The following SLC4A4 variants were observed in gnomAD, a reference collection of about 807,000 sequenced individuals.
The protein encoded by SLC4A4 is electrogenic sodium bicarbonate cotransporter 1.
In SLC4A4, 27 loss-of-function variants were observed where a neutral mutation model predicts 111.5. The ratio of observed to expected loss-of-function variants is 0.24; its 90% CI spans 0.18 to 0.33. SLC4A4 has a LOEUF of 0.33. Ranked by LOEUF, SLC4A4 falls within the 10% of genes least tolerant of loss-of-function variation. SLC4A4 has a pLI of 1.00. For missense variants in SLC4A4, 909 were observed against 1,315.5 expected (o/e 0.69, Z 4.78); for synonymous variants, 443 against 463.4 (o/e 0.96, Z 0.57).
In SLC4A4 at chr4:71,124,790, G is replaced by T. The variant is rs921484639; in HGVS notation, c.-2+31998G>T. On this transcript the variant is annotated intron_variant, in intron 2 of 26. Coordinates refer to the SLC4A4 transcript ENST00000649996. ...AGGGAAATAATCTCCAAAGCGAGGG[G>T]TGTGGACCCAGGAGATGTGAAGGAC... Among the ~76,000 whole-genome samples the T allele has an allele frequency of 5.3e-5, 8 of 152,168 alleles. No individual in the cohort carries two copies. In the South Asian group the frequency reaches 8.3e-4, roughly 16 times the overall value.
intron 2 of SLC4A4, among the ~76,000 whole-genome samples, chr4:71,244,392 A>G (rs1188283099): frequency 6.6e-6 from 1 of 152,178 alleles, no homozygotes; most frequent in Non-Finnish European, 1.5e-5. Context: ...CCTACTAGAA[A>G]TGCTCTAAGA....
chr4:71,494,675 G>C (rs1730240871), intron 15 of SLC4A4, among the ~76,000 whole-genome samples: 1 of 151,892 alleles, frequency 6.6e-6, no homozygotes, highest in Non-Finnish European at 1.5e-5. Flanking sequence ...TTTTGCATAG[G>C]AAATAAAGAT....
upstream of SLC4A4, among the ~76,000 whole-genome samples, chr4:71,182,754 A>G (rs1272236097): frequency 6.6e-6 from 1 of 151,946 alleles, no homozygotes; most frequent in East Asian, 1.9e-4. Flanking sequence ...TCTCTCTCAC[A>G]TTATGAGAGT....
chr4:71,132,566 C>T (rs1398700279), intron 2 of SLC4A4, among the ~76,000 whole-genome samples: 1 of 152,034 alleles, frequency 6.6e-6, no homozygotes, highest in Non-Finnish European at 1.5e-5. Context: ...TTAAATTGTG[C>T]CTGGATACAG....
intron 16 of SLC4A4, among the ~76,000 whole-genome samples, chr4:71,503,114 A>G (rs1578059289): frequency 6.6e-6 from 1 of 152,002 alleles, no homozygotes; most frequent in East Asian, 1.9e-4. Flanking sequence ...ACTTAAGTAT[A>G]TTTTATATGG....
intron 16 of SLC4A4, among the ~76,000 whole-genome samples, chr4:71,516,319 G>C (rs544292037): frequency 2.0e-4 from 31 of 151,896 alleles, no homozygotes; most frequent in African/African-American, 7.2e-4. Context: ...GGATGGTCTC[G>C]ATCTCCTGAT....
intron 2 of SLC4A4, among the ~76,000 whole-genome samples, chr4:71,121,277 C>T (rs953504928): frequency 2.6e-5 from 4 of 152,032 alleles, no homozygotes; most frequent in African/African-American, 9.7e-5. Context: ...GGCACTGCCC[C>T]CTGCTCCGTG....
intron 1 of SLC4A4, among the ~76,000 whole-genome samples, chr4:71,224,713 G>A (rs954187785): frequency 5.9e-5 from 9 of 152,226 alleles, no homozygotes; most frequent in Non-Finnish European, 1.3e-4. Flanking sequence ...CCAAAGTGGG[G>A]AAAGAGGTAA....
At chr4:71,145,380 T>C (rs1262122123) in intron 2 of SLC4A4, among the ~76,000 whole-genome samples, 1 of 152,216 alleles carries the variant, frequency 6.6e-6, no homozygotes, top group Non-Finnish European at 1.5e-5. Flanking sequence ...TGCATCAATG[T>C]TTATCAAGGA....
chr4:71,308,617 AGGGGCCGGG>A (rs1249301486), intron 3 of SLC4A4, among the ~76,000 whole-genome samples: 145 of 152,240 alleles, frequency 9.5e-4, no homozygotes, highest in Middle Eastern at 3.4e-3. Flanking sequence ...AGGAAGTGCA[AGGGGCCGGG>A]GGACTCCCTC....
chr4:71,395,245 A>C (rs1719709939), intron 6 of SLC4A4, among the ~76,000 whole-genome samples: 1 of 151,914 alleles, frequency 6.6e-6, no homozygotes, highest in Admixed American at 6.6e-5. Flanking sequence ...CAGGATGGGG[A>C]GTTTGGTAGG....
At chr4:71,461,987 A>G (rs991199200) in intron 12 of SLC4A4, among the ~76,000 whole-genome samples, 3 of 152,200 alleles carry the variant, frequency 2.0e-5, no homozygotes, top group Non-Finnish European at 2.9e-5. Context: ...TCTGGGAAAT[A>G]CTGTAGACCT....
intron 1 of SLC4A4, among the ~76,000 whole-genome samples, chr4:71,234,026 A>G (rs564821757): frequency 5.3e-5 from 8 of 152,256 alleles, no homozygotes; most frequent in African/African-American, 1.9e-4. Context: ...GCAACATCCT[A>G]AACTTGTCTT....
intron 16 of SLC4A4, among the ~76,000 whole-genome samples, chr4:71,525,979 G>A (rs1733381248): frequency 6.6e-6 from 1 of 151,932 alleles, no homozygotes; most frequent in Non-Finnish European, 1.5e-5. Flanking sequence ...CTTAAAGTCG[G>A]ACTGAGAAGT....
intron 6 of SLC4A4, among the ~76,000 whole-genome samples, chr4:71,382,979 G>T (rs1227870811): frequency 6.6e-6 from 1 of 152,084 alleles, no homozygotes; most frequent in African/African-American, 2.4e-5. Flanking sequence ...AGCAGAAAAT[G>T]GATTTTTTTA....
At chr4:71,137,128 C>T (rs1203024555) in intron 2 of SLC4A4, among the ~76,000 whole-genome samples, 3 of 152,166 alleles carry the variant, frequency 2.0e-5, no homozygotes, top group Non-Finnish European at 4.4e-5. Context: ...ATAAGATTAG[C>T]TCTGCCCCAG....
At chr4:71,304,620 A>C (rs1180534882) in intron 3 of SLC4A4, among the ~76,000 whole-genome samples, 2 of 152,218 alleles carry the variant, frequency 1.3e-5, no homozygotes, top group African/African-American at 4.8e-5. Context: ...TTGACACATA[A>C]AATTAATTGT....
At chr4:71,520,929 T>C (rs1732875919) in intron 16 of SLC4A4, among the ~76,000 whole-genome samples, 1 of 152,000 alleles carries the variant, frequency 6.6e-6, no homozygotes. Flanking sequence ...CCTCAAGTGA[T>C]CCTCCCACCT....
At chr4:71,120,537 C>T (rs970067219) in intron 2 of SLC4A4, among the ~76,000 whole-genome samples, 7 of 152,122 alleles carry the variant, frequency 4.6e-5, no homozygotes, top group Non-Finnish European at 7.4e-5. Context: ...GCCTGGTAAT[C>T]GCTTTATATC....
Sources: gnomAD v4.1 joint callset for allele counts (sites outside exome capture counted in the v4.1 genomes callset) on GRCh38, gnomAD v4.1.1 for gene constraint, MANE v1.5 for transcripts, NCBI Gene and HGNC (gene_info 2026-07-23, HGNC 2026-07-21) for gene names.